The following RPN1 variants were observed in gnomAD, a reference collection of about 807,000 sequenced individuals.
RPN1 encodes ribophorin I.
In RPN1, 12 loss-of-function variants were observed where a neutral mutation model predicts 55.5. That is an observed-to-expected ratio of 0.22 (90% CI 0.14 to 0.35). RPN1 has a LOEUF of 0.35. Ranked by LOEUF, RPN1 falls within the 10% of genes least tolerant of loss-of-function variation. The pLI, the probability that RPN1 is intolerant of heterozygous loss-of-function variation, is 1.00. For missense variants in RPN1, 679 were observed against 761.3 expected, an observed-to-expected ratio of 0.89 and a Z score of 1.27; for synonymous variants, 317 against 305.9, an observed-to-expected ratio of 1.04 and a Z score of -0.38.
chr3:128,647,220 A>T (rs1265681918), intron 1 of RPN1, among the ~76,000 whole-genome samples: 1 of 152,170 alleles, frequency 6.6e-6, no homozygotes, highest in East Asian at 1.9e-4. Flanking sequence ...TGAAAAAAAC[A>T]AAAATTAGAC....
In RPN1 at chr3:128,638,089, C is replaced by A. The variant is rs770438055; in HGVS notation, c.343G>T (p.Val115Phe). 33 of 1,612,534 alleles carry A rather than the reference C, an allele frequency of 2.0e-5. No individual in the cohort carries two copies. Among genetic ancestry groups the A allele is most frequent in the Non-Finnish European group, 1.7e-5 (20 of 1,178,728 alleles). The stretch of plus-strand genomic sequence containing the variant: ...GGATCAAGAGCAACTGGGAGCTTGA[C>A]TGTGAAGAATCTCCCACTAAAGGAA... ...IKGKSGRFFT[V>F]KLPVALDPGA... The change falls in exon 3 of 10, where the codon GTC (valine) becomes TTC (phenylalanine). Residue 115 changes from valine (V) to phenylalanine (F), a missense_variant. Coordinates refer to ENST00000296255, the MANE Select transcript of RPN1 (RefSeq NM_002950.4).
intron 1 of RPN1, 142 bp downstream of exon 1, chr3:128,650,398 C>T (rs570255969): frequency 3.6e-6 from 3 of 825,160 alleles, no homozygotes; most frequent in Non-Finnish European, 5.3e-6. Context: ...CGAGGCAATC[C>T]CACGGACCCC....
At chr3:128,636,853 GA>G (rs1473211601) in intron 3 of RPN1, among the ~76,000 whole-genome samples, 1 of 152,230 alleles carries the variant, frequency 6.6e-6, no homozygotes, top group Non-Finnish European at 1.5e-5. Flanking sequence ...CCAGTGCAAA[GA>G]AATCTTAAAC....
At chr3:128,627,980 G>A (rs368120385) in intron 5 of RPN1, among the ~76,000 whole-genome samples, 11 of 1,014 alleles carry the variant, frequency 0.011, no homozygotes, top group South Asian at 0.05. Flanking sequence ...AATTCAGGCC[G>A]GGCGCGGTGG....
intron 8 of RPN1, among the ~76,000 whole-genome samples, chr3:128,625,031 C>A (rs1036726011): frequency 6.6e-6 from 1 of 152,100 alleles, no homozygotes; most frequent in African/African-American, 2.4e-5. Context: ...AAGAAAAGAG[C>A]AAGAGGATGA....
chr3:128,640,510 A>T (rs2069717178), intron 2 of RPN1, among the ~76,000 whole-genome samples: 1 of 152,216 alleles, frequency 6.6e-6, no homozygotes, highest in Admixed American at 6.5e-5. Flanking sequence ...TTCAAGTCCC[A>T]AATGTGCTTC....
At chr3:128,622,431 T>G (rs2069567181) in intron 8 of RPN1, 22 bp from the exon 9 acceptor site, 1 of 1,613,322 alleles carries the variant, frequency 6.2e-7, no homozygotes, top group East Asian at 2.2e-5. Flanking sequence ...AGAGGCACCA[T>G]GTGTGACAAC....
intron 4 of RPN1, among the ~76,000 whole-genome samples, chr3:128,630,735 G>T (rs1199451226): frequency 6.6e-6 from 1 of 152,128 alleles, no homozygotes; most frequent in Non-Finnish European, 1.5e-5. Flanking sequence ...AAAGAACAAA[G>T]AAATAGATCA....
At chr3:128,622,497 G>A in intron 8 of RPN1, 88 bp from the exon 9 acceptor site, 1 of 1,530,874 alleles carries the variant, frequency 6.5e-7, no homozygotes, top group Non-Finnish European at 8.9e-7. Flanking sequence ...GCCACCAGCA[G>A]CCATCCAAAA....
At chr3:128,649,943 G>A (rs959243930) in intron 1 of RPN1, among the ~76,000 whole-genome samples, 2 of 152,260 alleles carry the variant, frequency 1.3e-5, no homozygotes, top group Admixed American at 1.3e-4. Context: ...GATTTCAAGT[G>A]ATTACCAACT....
At chr3:128,624,709 C>T (rs374973081) in intron 8 of RPN1, among the ~76,000 whole-genome samples, 2 of 151,388 alleles carry the variant, frequency 1.3e-5, no homozygotes, top group African/African-American at 4.9e-5. Context: ...ACCCTTGGTG[C>T]GCACCTGTGG....
chr3:128,622,156 A>T lies in RPN1; in HGVS notation c.1641+8T>A, dbSNP rs368393140. 5.6e-6 allele frequency: 9 copies of T among 1,613,438 alleles called. No homozygotes were observed. The African/African-American group carries it at 1.1e-4, about 19-fold the overall frequency. On this transcript the variant is annotated splice_region_variant and intron_variant, in intron 9 of 9. Coordinates refer to ENST00000296255, the MANE Select transcript of RPN1 (RefSeq NM_002950.4). ...AAGCCAAGCAACTCTGTGACGCCCG[A>T]CACTTACTCTGTCGCACAGATCAGA...
At position 128,625,599 on chromosome 3, in the gene RPN1, C is replaced by A. The variant is rs758909297; in HGVS notation, c.1330G>T (p.Ala444Ser). Residue 444 changes from alanine (A) to serine (S), a missense_variant, in exon 8 of 10, where the codon GCG becomes TCG. Physicochemically the swap from Ala to Ser is moderately conservative, Grantham distance 99 (BLOSUM62 1). This residue lies in a region of RPN1 where 306 missense variants were observed against 360.0 expected (regional missense o/e 0.85). Transcript: ENST00000296255. ...LMLQEPLLVV[A>S]AFYILFFTVI... ...GTGAAGAACAGGATGTAGAAGGCCG[C>A]CACCACCAGCAGGGGCTCCTGCAGC... is the stretch of plus-strand genomic sequence containing the variant. 1 of 1,614,100 alleles carries A rather than the reference C, an allele frequency of 6.2e-7. No individual in the cohort carries two copies. Among genetic ancestry groups the A allele is most frequent in the Non-Finnish European group, 8.5e-7 (1 of 1,180,026 alleles).
intron 5 of RPN1, among the ~76,000 whole-genome samples, chr3:128,628,287 T>G (rs183496059): frequency 2.6e-3 from 139 of 54,134 alleles, no homozygotes; most frequent in African/African-American, 9.5e-3. Context: ...GGCAACAAAG[T>G]GAGACAGAAA....
intron 5 of RPN1, chr3:128,627,409 G>A (rs936649217): frequency 2.6e-5 from 4 of 153,510 alleles, no homozygotes; most frequent in Admixed American, 1.3e-4. Context: ...ACATGTTTTT[G>A]CACTAAAATA....
intron 2 of RPN1, among the ~76,000 whole-genome samples, chr3:128,641,732 C>A (rs1395023645): frequency 6.6e-6 from 1 of 151,798 alleles, no homozygotes; most frequent in Non-Finnish European, 1.5e-5. Flanking sequence ...CCTCAGCCTC[C>A]CGAGTAGCTG....
intron 3 of RPN1, among the ~76,000 whole-genome samples, chr3:128,634,194 G>A (rs926665295): frequency 1.3e-5 from 2 of 151,838 alleles, no homozygotes; most frequent in Non-Finnish European, 2.9e-5. Context: ...AGGCATGGTC[G>A]CACATGCCTG....
chr3:128,636,187 G>A (rs1268456564), intron 3 of RPN1, among the ~76,000 whole-genome samples: 15 of 152,104 alleles, frequency 9.9e-5, no homozygotes, highest in Admixed American at 6.6e-4. Flanking sequence ...CAGGCTGGGC[G>A]CAGTGACTCA....
intron 1 of RPN1, among the ~76,000 whole-genome samples, chr3:128,646,421 G>A (rs563905412): frequency 7.9e-5 from 12 of 151,370 alleles, no homozygotes; most frequent in South Asian, 2.1e-4. Context: ...GGTGGCTCAC[G>A]CCTGTAATCC....
Sources: allele counts gnomAD v4.1 joint callset (sites outside exome capture counted in the v4.1 genomes callset), GRCh38; gene constraint gnomAD v4.1.1; regional missense constraint gnomAD v4.1.1; transcripts MANE v1.5; gene names NCBI Gene and HGNC (gene_info 2026-07-23, HGNC 2026-07-21).